The following KDM5A variants were observed in gnomAD, a reference collection of about 807,000 sequenced individuals.
The protein encoded by KDM5A is lysine-specific demethylase 5A.
In KDM5A, 42 loss-of-function variants were observed where a neutral mutation model predicts 193.5. The observed-to-expected ratio is 0.22, with a 90% CI of 0.17 to 0.28. The LOEUF (loss-of-function observed/expected upper bound fraction) is 0.28, where lower values mean the gene tolerates loss of function less well. Ranked by LOEUF, KDM5A falls within the 10% of genes least tolerant of loss-of-function variation. The pLI, the probability that KDM5A is intolerant of heterozygous loss-of-function variation, is 1.00. For missense variants in KDM5A, 1,692 were observed against 2,055.1 expected (o/e 0.82, Z 3.42); for synonymous variants, 796 against 718.1 (o/e 1.11, Z -1.73).
chr12:307,318 T>A lies in KDM5A; in HGVS notation c.3930+136A>T. The A allele has an allele frequency of 9.4e-7, 1 of 1,066,986 alleles. No homozygotes were observed. Among genetic ancestry groups the A allele is most frequent in the Non-Finnish European group, 1.4e-6 (1 of 709,808 alleles). The allele number at this position is 1,066,986 out of a possible 1,614,324, so 66.1% of individuals were successfully genotyped here. A position where few individuals can be genotyped will look rare whatever the true frequency, so the allele number is the denominator to read the frequency against. On this transcript the variant is annotated intron_variant, in intron 23 of 27. Coordinates refer to ENST00000399788, the MANE Select transcript of KDM5A (RefSeq NM_001042603.3). This position sits in a 1 kb window ranked among gnomAD's most constrained non-coding sequence, Gnocchi z 4.3. ...TCCAAAAAAAGTGCTATAGTGTATG[T>A]TGAAGGAGAATGCAATGGATAATTG...
intron 10 of KDM5A, among the ~76,000 whole-genome samples, chr12:338,103 A>G (rs1469167572): frequency 6.6e-6 from 1 of 152,218 alleles, no homozygotes; most frequent in Non-Finnish European, 1.5e-5. Flanking sequence ...AGTTAAACAC[A>G]GCAGGCCTGA....
rs201230930 is a variant in KDM5A, at chr12:389,088, C to A, written c.4G>T (p.Ala2Ser). The change falls in exon 1 of 28, where the codon GCG (alanine) becomes TCG (serine). Residue 2 changes from alanine to serine, a missense_variant. Physicochemically the swap from Ala to Ser is moderately conservative, Grantham distance 99. This residue lies in a region of KDM5A where 84 missense variants were observed against 68.2 expected (regional missense o/e 1.23). Transcript: ENST00000399788. ...GCGTAGCCCCCCGGCCCCACGCCCG[C>A]CATTGCAACGGCCGGGGGGGGGGGG... M[A>S]GVGPGGYAAE... 4 of 1,596,042 alleles carry A rather than the reference C, an allele frequency of 2.5e-6. No individual in the cohort carries two copies. The Admixed American group carries it at 5.1e-5, about 21-fold the overall frequency.
At chr12:342,006 C>T (rs898130194) in intron 10 of KDM5A, among the ~76,000 whole-genome samples, 18 of 151,224 alleles carry the variant, frequency 1.2e-4, no homozygotes, top group African/African-American at 3.2e-4. Context: ...TTACATTAAA[C>T]GTAAACAGAC....
intron 10 of KDM5A, among the ~76,000 whole-genome samples, chr12:341,574 A>G (rs773659856): frequency 3.9e-5 from 6 of 152,310 alleles, no homozygotes; most frequent in African/African-American, 1.2e-4. Context: ...TTAGATTGTT[A>G]TAACTAAAAA....
Position 284,208 on chromosome 12 carries a change from G to C in KDM5A, c.*1248C>G, listed in dbSNP as rs1159146457. 9 of 224,650 alleles carry C rather than the reference G, an allele frequency of 4.0e-5. No individual in the cohort carries two copies. The highest frequency in any genetic ancestry group is 7.1e-5 in the Non-Finnish European group (8 of 113,142). 13.9% of individuals were successfully genotyped at this position (224,650 alleles called of 1,614,324 possible). A position where few individuals can be genotyped will look rare whatever the true frequency, so the allele number is the denominator to read the frequency against. On this transcript the variant is annotated 3_prime_UTR_variant, in exon 28 of 28. Transcript: ENST00000399788. ...GTTGAAACTCTGTCATATGCTGCTG[G>C]TAACAGTAAATATATATATTTATAT...
intron 2 of KDM5A, among the ~76,000 whole-genome samples, chr12:384,718 G>A (rs570764422): frequency 6.6e-6 from 1 of 152,124 alleles, no homozygotes; most frequent in African/African-American, 2.4e-5. Flanking sequence ...AACAATTTTT[G>A]TAAGTTGGTT....
chr12:341,177 A>C (rs1943999850), intron 10 of KDM5A, among the ~76,000 whole-genome samples: 1 of 152,244 alleles, frequency 6.6e-6, no homozygotes, highest in Non-Finnish European at 1.5e-5. Flanking sequence ...AAAGCTAAAA[A>C]ATGAAGTCTC....
At chr12:385,796 A>G (rs1030571007) in intron 2 of KDM5A, 101 bp downstream of exon 2, 36 of 880,814 alleles carry the variant, frequency 4.1e-5, no homozygotes, top group Non-Finnish European at 5.8e-6. Flanking sequence ...ACCAATTAAC[A>G]CAAACTCTAG....
chr12:298,805 A>G (rs896712237), intron 24 of KDM5A, among the ~76,000 whole-genome samples: 2 of 152,104 alleles, frequency 1.3e-5, no homozygotes, highest in Non-Finnish European at 2.9e-5. Context: ...AACCTTCAGG[A>G]AAGGTTAGAG....
At chr12:313,991 G>C (rs887214644) in intron 19 of KDM5A, among the ~76,000 whole-genome samples, 4 of 152,114 alleles carry the variant, frequency 2.6e-5, no homozygotes, top group Admixed American at 6.5e-5. Flanking sequence ...TGGAGGCAGG[G>C]GCTGGGTGGA....
chr12:383,648 A>G (rs1232978857), intron 3 of KDM5A, among the ~76,000 whole-genome samples: 1 of 152,256 alleles, frequency 6.6e-6, no homozygotes, highest in African/African-American at 2.4e-5. Context: ...CCTGATAAAT[A>G]TTAATATTTA....
rs1943138849 is a variant in KDM5A, at chr12:280,091, T to C, written c.*5365A>G. On this transcript the variant is annotated 3_prime_UTR_variant, in exon 28 of 28. Coordinates refer to ENST00000399788, the MANE Select transcript of KDM5A (RefSeq NM_001042603.3). ...AATCAAGTCTTTCTTCCTACCAAAG[T>C]AGAAATACACTTTACAGAACATACA... 4.5e-6 allele frequency: 1 copy of C among 223,756 alleles called. No homozygotes were observed. Among genetic ancestry groups the C allele is most frequent in the Non-Finnish European group, 8.9e-6 (1 of 112,122 alleles). The allele number at this position is 223,756 out of a possible 1,614,324, so 13.9% of individuals were successfully genotyped here. A position where few individuals can be genotyped will look rare whatever the true frequency, so the allele number is the denominator to read the frequency against.
chr12:372,602 G>A (rs1284107418), intron 3 of KDM5A, among the ~76,000 whole-genome samples: 1 of 152,086 alleles, frequency 6.6e-6, no homozygotes, highest in Non-Finnish European at 1.5e-5. Context: ...CTGCCTGACT[G>A]CCCTGGCCAG....
intron 3 of KDM5A, among the ~76,000 whole-genome samples, chr12:382,991 A>G (rs1944593294): frequency 6.6e-6 from 1 of 151,888 alleles, no homozygotes; most frequent in South Asian, 2.1e-4. Context: ...CAGGTCAGTT[A>G]GTTTTTTTTT....
At chr12:346,954 T>C (rs560795735) in intron 10 of KDM5A, among the ~76,000 whole-genome samples, 109 of 152,110 alleles carry the variant, frequency 7.2e-4, no homozygotes, top group Non-Finnish European at 1.3e-3. Flanking sequence ...GGTATTCAAT[T>C]AGGAAAAGAG....
At chr12:336,272 T>A (rs946774666) in intron 10 of KDM5A, among the ~76,000 whole-genome samples, 1 of 146,174 alleles carries the variant, frequency 6.8e-6, no homozygotes, top group African/African-American at 2.6e-5. Context: ...GGTGGGAGGA[T>A]CCCGTGAGCC....
chr12:325,398 T>C (rs1472607318), intron 14 of KDM5A, among the ~76,000 whole-genome samples: 2 of 152,276 alleles, frequency 1.3e-5, no homozygotes, highest in East Asian at 3.9e-4. Context: ...TATATTTTTT[T>C]TGTTCCAGGT....
intron 27 of KDM5A, among the ~76,000 whole-genome samples, chr12:288,521 T>A (rs1466444186): frequency 6.6e-6 from 1 of 152,228 alleles, no homozygotes; most frequent in African/African-American, 2.4e-5. Flanking sequence ...TATGGTTTCA[T>A]ATTCACACTT....
chr12:358,782 G>A (rs967623525), intron 5 of KDM5A, among the ~76,000 whole-genome samples: 3 of 151,860 alleles, frequency 2.0e-5, no homozygotes, highest in Admixed American at 1.3e-4. Flanking sequence ...GACCAGCCTG[G>A]ACAATATGGT....
Sources: gnomAD v4.1 joint callset for allele counts (sites outside exome capture counted in the v4.1 genomes callset) on GRCh38, gnomAD v4.1.1 for gene constraint, gnomAD v4.1.1 regional missense constraint, Gnocchi (gnomAD v3.1) non-coding constraint, MANE v1.5 for transcripts, NCBI Gene and HGNC (gene_info 2026-07-23, HGNC 2026-07-21) for gene names.